PURG: variants seen among roughly 807,000 people sequenced by gnomAD.
The protein encoded by PURG is purine rich element binding protein G.
A neutral mutation model predicts 24.3 loss-of-function variants in PURG; 3 were observed. The ratio of observed to expected loss-of-function variants is 0.12; its 90% CI spans 0.06 to 0.32. The LOEUF is 0.32. PURG is among the 10% of genes least tolerant of loss of function. The pLI is 1.00. For synonymous variants in PURG, 180 were observed against 173.1 expected (o/e 1.04, Z -0.31); for missense variants, 371 against 439.1 (o/e 0.84, Z 1.39).
chr8:31,031,718 C>G lies in PURG; in HGVS notation c.*21G>C. 6.6e-7 allele frequency: 1 copy of G among 1,523,114 alleles called. No homozygotes were observed. Among genetic ancestry groups the G allele is most frequent in the Non-Finnish European group, 8.8e-7 (1 of 1,135,014 alleles). 94.3% of individuals were successfully genotyped at this position (1,523,114 alleles called of 1,614,324 possible). A position where few individuals can be genotyped will look rare whatever the true frequency, so the allele number is the denominator to read the frequency against. On this transcript the variant is annotated 3_prime_UTR_variant, in exon 2 of 2. Coordinates refer to ENST00000523392, the MANE Select transcript of PURG (RefSeq NM_001323311.2). ...GCCAATTTGTGATTTTAAATTTTGC[C>G]TGATGGAGTTCAATTTCACTCTAGT...
chr8:30,996,765 A>C (rs1016839853), intron 1 of PURG: 2 of 1,146,668 alleles, frequency 1.7e-6, no homozygotes, highest in African/African-American at 3.1e-5. Flanking sequence ...CTATTTTCAC[A>C]GTACAAACCC....
Position 31,032,017 on chromosome 8 carries a change from C to T in PURG, c.766G>A (p.Asp256Asn), listed in dbSNP as rs774060872. ...CCCTCTGGGAGTTCAAGCGGGTCAT[C>T]GTCTCCACCTCTTCGTTCTTCTATG... ...GDIEERRGGD[D>N]DPLELPEGTS... is the part of the protein sequence containing the mutation. Residue 256 changes from aspartate (D) to asparagine (N), a missense_variant, in exon 2 of 2, where the codon GAT (aspartate) becomes AAT (asparagine). By Grantham distance (23) the Asp-to-Asn change is conservative. Around this residue, in one of 5 missense-constraint regions of PURG, gnomAD observed 103 missense variants for 127.7 expected, o/e 0.81. Transcript: ENST00000523392. The surrounding 1 kb of genome is among the most constrained non-coding windows in gnomAD (Gnocchi z 5.9). The T allele has an allele frequency of 7.4e-6, 12 of 1,614,172 alleles. No homozygotes were observed. Among genetic ancestry groups the T allele is most frequent in the South Asian group, 2.2e-5 (2 of 91,084 alleles).
downstream of PURG, among the ~76,000 whole-genome samples, chr8:31,027,023 T>C (rs1159238035): frequency 6.6e-6 from 1 of 151,746 alleles, no homozygotes; most frequent in African/African-American, 2.4e-5. Context: ...AAACACATTT[T>C]CCCTGAACTT....
intron 1 of PURG, among the ~76,000 whole-genome samples, chr8:31,000,904 A>G (rs1415459035): frequency 6.6e-6 from 1 of 152,230 alleles, no homozygotes; most frequent in African/African-American, 2.4e-5. Flanking sequence ...CACTGAACCC[A>G]ACATACTGGC....
intron 1 of PURG, among the ~76,000 whole-genome samples, chr8:31,002,703 C>T (rs556336926): frequency 2.0e-5 from 3 of 152,222 alleles, no homozygotes; most frequent in South Asian, 2.1e-4. Flanking sequence ...GGGCTGGTCT[C>T]GAACTGATGA....
At chr8:30,997,114 C>G (rs1313522409) in intron 1 of PURG, among the ~76,000 whole-genome samples, 1 of 151,614 alleles carries the variant, frequency 6.6e-6, no homozygotes, top group African/African-American at 2.4e-5. Context: ...ATATATTTAA[C>G]AGCAAAACAT....
chr8:31,007,653 A>T (rs970624169), intron 1 of PURG, among the ~76,000 whole-genome samples: 1 of 152,180 alleles, frequency 6.6e-6, no homozygotes, highest in Non-Finnish European at 1.5e-5. Context: ...TATTTTTCCT[A>T]TCTCTTGTAA....
intron 1 of PURG, among the ~76,000 whole-genome samples, chr8:31,017,929 T>C (rs1460286195): frequency 6.6e-6 from 1 of 152,150 alleles, no homozygotes; most frequent in African/African-American, 2.4e-5. Flanking sequence ...GGTTTTCCAA[T>C]TTACCCTATT....
chr8:31,025,436 T>C (rs959646826), intron 1 of PURG, among the ~76,000 whole-genome samples: 4 of 151,972 alleles, frequency 2.6e-5, no homozygotes, highest in African/African-American at 4.8e-5. Flanking sequence ...CTACCAAATA[T>C]AGAGTTATTA....
chr8:31,029,900 C>G (rs1337513803), downstream of PURG, among the ~76,000 whole-genome samples: 1 of 151,870 alleles, frequency 6.6e-6, no homozygotes, highest in Admixed American at 6.6e-5. Context: ...GCTATTAGCT[C>G]TAGTACTAAC....
At chr8:31,002,976 C>T (rs1274259226) in intron 1 of PURG, among the ~76,000 whole-genome samples, 1 of 152,172 alleles carries the variant, frequency 6.6e-6, no homozygotes, top group Non-Finnish European at 1.5e-5. Context: ...TGCTCAAAAG[C>T]ACTTATCAAT....
intron 1 of PURG, among the ~76,000 whole-genome samples, chr8:31,019,480 C>T (rs990967871): frequency 6.6e-6 from 1 of 150,518 alleles, no homozygotes; most frequent in Non-Finnish European, 1.5e-5. Flanking sequence ...ATTACAGGAG[C>T]CTGCCAACAC....
At chr8:31,017,105 T>A (rs995323805) in intron 1 of PURG, among the ~76,000 whole-genome samples, 1 of 152,180 alleles carries the variant, frequency 6.6e-6, no homozygotes, top group African/African-American at 2.4e-5. Context: ...AGCTAGAAAT[T>A]TTTAGAGCTA....
intron 1 of PURG, among the ~76,000 whole-genome samples, chr8:31,002,459 A>G (rs1429329950): frequency 2.0e-5 from 3 of 152,140 alleles, no homozygotes; most frequent in Non-Finnish European, 2.9e-5. Context: ...CTTCTTTTGC[A>G]ATGATACCAT....
rs1811282649 is a variant in PURG at position 31,033,021 on chromosome 8, C to A, written c.-7+57G>T. 3 of 181,836 alleles carry A rather than the reference C, an allele frequency of 1.6e-5. No individual in the cohort carries two copies. The South Asian group carries it at 5.1e-4, about 31-fold the overall frequency. The allele number at this position is 181,836 out of a possible 1,614,324, so 11.3% of individuals were successfully genotyped here. A position where few individuals can be genotyped will look rare whatever the true frequency, so the allele number is the denominator to read the frequency against. On this transcript the variant is annotated intron_variant, in intron 1 of 1. Transcript: ENST00000523392. ...CCGCCCCCGGGGCCGCTCCCGCACG[C>A]CGCCGCCGCCCGTCCCGCGCTCCGC... is the stretch of plus-strand genomic sequence containing the variant.
chr8:31,005,701 T>C (rs1318698744), intron 1 of PURG, among the ~76,000 whole-genome samples: 1 of 151,926 alleles, frequency 6.6e-6, no homozygotes, highest in Non-Finnish European at 1.5e-5. Context: ...ATAAAAATGT[T>C]AAAATGCATT....
intron 1 of PURG, among the ~76,000 whole-genome samples, chr8:31,010,628 G>A (rs1810745476): frequency 6.6e-6 from 1 of 152,152 alleles, no homozygotes; most frequent in African/African-American, 2.4e-5. Flanking sequence ...AGGCTTCAAT[G>A]AGCAGTGGGC....
intron 1 of PURG, among the ~76,000 whole-genome samples, chr8:31,019,245 T>C (rs1810942406): frequency 7.3e-6 from 1 of 136,504 alleles, no homozygotes; most frequent in Admixed American, 7.6e-5. Context: ...ATCTACAAGG[T>C]TGTCAAGCAT....
In PURG at chr8:31,031,810, A is replaced by C; in HGVS notation, c.973T>G (p.Cys325Gly). The C allele has an allele frequency of 3.2e-6, 5 of 1,560,608 alleles. No homozygotes were observed. Among genetic ancestry groups the C allele is most frequent in the Non-Finnish European group, 4.3e-6 (5 of 1,151,498 alleles). ...IKYEEEMRKICNSHKEKRMDG... is the reference protein window; with the variant it reads ...IKYEEEMRKIGNSHKEKRMDG... ...ATTCTCTTTTCTTTATGGCTGTTGC[A>C]AATTTTCCTCATCTCTTCTTCATAC... is the stretch of plus-strand genomic sequence containing the variant. The change falls in exon 2 of 2, where the codon TGC (cysteine) becomes GGC (glycine). Residue 325 changes from cysteine (C) to glycine (G), a missense_variant. Transcript: ENST00000523392.
Sources: gnomAD v4.1 joint callset for allele counts (sites outside exome capture counted in the v4.1 genomes callset) on GRCh38, gnomAD v4.1.1 for gene constraint, gnomAD v4.1.1 regional missense constraint, Gnocchi (gnomAD v3.1) non-coding constraint, MANE v1.5 for transcripts, NCBI Gene and HGNC (gene_info 2026-07-23, HGNC 2026-07-21) for gene names.